FXN: variants seen among roughly 807,000 people sequenced by gnomAD.
FXN encodes frataxin, mitochondrial.
A neutral mutation model predicts 22.4 loss-of-function variants in FXN; 14 were observed. The observed-to-expected ratio is 0.62, with a 90% confidence interval of 0.41 to 0.98. The LOEUF is 0.98. FXN is among the 50% of genes least tolerant of loss of function. The pLI is 0.00. For synonymous variants in FXN, 120 were observed against 114.1 expected, an observed-to-expected ratio of 1.05 and a Z score of -0.33; for missense variants, 267 against 268.4, an observed-to-expected ratio of 0.99 and a Z score of 0.04.
chr9:69,036,754 T>TA (rs1401344866), intron 1 of FXN, among the ~76,000 whole-genome samples: 1 of 152,144 alleles, frequency 6.6e-6, no homozygotes, highest in African/African-American at 2.4e-5. Context: ...TACAAAGAAA[T>TA]ATCTGACCCA....
At chr9:69,065,358 T>A (rs1319735579) in intron 4 of FXN, among the ~76,000 whole-genome samples, 2 of 152,098 alleles carry the variant, frequency 1.3e-5, no homozygotes. Context: ...CTGGGCAATG[T>A]CACAAAGCCC....
In FXN at chr9:69,046,366, T is replaced by C. The variant is rs759250467; in HGVS notation, c.166-19T>C. ...ATTCACTGAAAAATAGTAACGTACT[T>C]CTTAACTTTGGCTTTCAGAGTTCGA... On this transcript the variant is annotated intron_variant, in intron 1 of 4. Coordinates refer to ENST00000484259, the MANE Select transcript of FXN (RefSeq NM_000144.5). 30 of 1,589,000 alleles carry C rather than the reference T, an allele frequency of 1.9e-5. No homozygotes were observed. In the East Asian group the frequency reaches 6.7e-4, roughly 36 times the overall value.
chr9:69,072,495 T>G, intron 4 of FXN, 117 bp from the exon 5 acceptor site: 1 of 1,584,428 alleles, frequency 6.3e-7, no homozygotes, highest in Non-Finnish European at 8.6e-7. Context: ...TAGCTCATTT[T>G]GTGTTATTTT....
rs1363205130 is a variant in FXN, at chr9:69,074,482, C to T, written c.*1720C>T. 3.1e-6 allele frequency: 3 copies of T among 977,926 alleles called. No individual in the cohort carries two copies. The highest frequency in any genetic ancestry group is 4.7e-5 in the South Asian group (1 of 21,068). 60.6% of individuals were successfully genotyped at this position (977,926 alleles called of 1,614,324 possible). A position where few individuals can be genotyped will look rare whatever the true frequency, so the allele number is the denominator to read the frequency against. On this transcript the variant is annotated 3_prime_UTR_variant, in exon 5 of 5. Transcript: ENST00000484259. ...CCAGGCGGAGGAGGTTACAGTGAGTCGAGATCGTACCTGAGCGACAGAGCG... is the reference window on the plus strand; with the variant it reads ...CCAGGCGGAGGAGGTTACAGTGAGTTGAGATCGTACCTGAGCGACAGAGCG...
intron 2 of FXN, among the ~76,000 whole-genome samples, chr9:69,052,043 T>C (rs925067648): frequency 6.6e-6 from 1 of 152,070 alleles, no homozygotes; most frequent in Non-Finnish European, 1.5e-5. Flanking sequence ...AGGCGAGGTT[T>C]CACCATGTCA....
At position 69,040,304 on chromosome 9, in the gene FXN, C is replaced by T. The variant is rs561156127; in HGVS notation, c.165+4357C>T. Among the ~76,000 whole-genome samples, 84 of 152,342 alleles carry T rather than the reference C, an allele frequency of 5.5e-4. 1 individual carries two copies. The South Asian group carries it at 0.017, about 30-fold the overall frequency. On this transcript the variant is annotated intron_variant, in intron 1 of 4. Transcript: ENST00000484259. ...GCCTAACAAGCAGGTTATACCCTCA[C>T]TCACTTTCAAATCATTTTTATTGTC... is the stretch of plus-strand genomic sequence containing the variant.
chr9:69,045,269 G>A (rs1196363213), intron 1 of FXN, among the ~76,000 whole-genome samples: 5 of 149,728 alleles, frequency 3.3e-5, no homozygotes, highest in African/African-American at 5.0e-5. Flanking sequence ...TGCACTAAAA[G>A]AAGGTAAAAA....
intron 1 of FXN, among the ~76,000 whole-genome samples, chr9:69,037,284 A>AAGAAGAAG (rs71353102): frequency 4.2e-4 from 33 of 78,052 alleles, no homozygotes; most frequent in African/African-American, 1.1e-3. Context: ...AAAAAAAAAA[A>AAGAAGAAG]AAGAAGAAGA....
At chr9:69,046,965 G>T (rs1294934920) in intron 2 of FXN, among the ~76,000 whole-genome samples, 1 of 152,144 alleles carries the variant, frequency 6.6e-6, no homozygotes, top group Non-Finnish European at 1.5e-5. Context: ...GGCCAGAAAG[G>T]GCTAGAAGCA....
Position 69,073,185 on chromosome 9 carries a change from A to C in FXN, c.*423A>C. 3 of 1,077,514 alleles carry C rather than the reference A, an allele frequency of 2.8e-6. No individual in the cohort carries two copies. Among genetic ancestry groups the C allele is most frequent in the Non-Finnish European group, 3.4e-6 (3 of 886,876 alleles). The allele number at this position is 1,077,514 out of a possible 1,614,324, so 66.7% of individuals were successfully genotyped here. On this transcript the variant is annotated 3_prime_UTR_variant, in exon 5 of 5. Coordinates refer to ENST00000484259, the MANE Select transcript of FXN (RefSeq NM_000144.5). ...AGCTGGTCAACCTGCTCACTGTTCT[A>C]TCTCCAAATGAGACACATTAAAGGG...
chr9:69,047,351 A>G (rs1411968980), intron 2 of FXN, among the ~76,000 whole-genome samples: 1 of 99,712 alleles, frequency 1.0e-5, no homozygotes, highest in African/African-American at 4.1e-5. Flanking sequence ...ACACACACAG[A>G]CACACACACA....
intron 4 of FXN, among the ~76,000 whole-genome samples, chr9:69,065,540 C>CCAA (rs1554761960): frequency 5.7e-5 from 8 of 140,752 alleles, no homozygotes; most frequent in South Asian, 2.3e-4. Flanking sequence ...GACCCTGTCC[C>CCAA]AAAAAAAAAA....
At chr9:69,054,708 C>T (rs1368156189) in intron 3 of FXN, among the ~76,000 whole-genome samples, 2 of 152,114 alleles carry the variant, frequency 1.3e-5, no homozygotes, top group South Asian at 4.1e-4. Flanking sequence ...TGTTTCACCA[C>T]GTTGGCCAGG....
rs1201433647 is a variant in FXN, at chr9:69,072,808, C to T, written c.*46C>T. On this transcript the variant is annotated 3_prime_UTR_variant, in exon 5 of 5. Coordinates refer to ENST00000484259, the MANE Select transcript of FXN (RefSeq NM_000144.5). ...ACATTAAAAGCTATCAGGCCAAGAC[C>T]CCAGCTTCATTATGCAGCTGAGGTC... 3 of 1,613,092 alleles carry T rather than the reference C, an allele frequency of 1.9e-6. No individual in the cohort carries two copies. The highest frequency in any genetic ancestry group is 1.7e-5 in the Admixed American group (1 of 59,940).
chr9:69,037,901 C>T (rs754145222), intron 1 of FXN, among the ~76,000 whole-genome samples: 54 of 152,344 alleles, frequency 3.5e-4, no homozygotes, highest in Admixed American at 5.9e-4. Context: ...ATCCGCCCAC[C>T]TCGCCCTCCC....
intron 3 of FXN, among the ~76,000 whole-genome samples, chr9:69,055,923 AC>A (rs1309076357): frequency 6.6e-6 from 1 of 152,132 alleles, no homozygotes; most frequent in African/African-American, 2.4e-5. Context: ...TCGCTCTGTC[AC>A]CCAGGCTGGA....
rs770833066 is a variant in FXN, at chr9:69,079,024, GTTATAA to G, written c.*6268_*6273del. 2.3e-5 allele frequency: 20 copies of G among 874,878 alleles called. No homozygotes were observed. Among genetic ancestry groups the G allele is most frequent in the Admixed American group, 1.2e-4 (2 of 16,076 alleles). The allele number at this position is 874,878 out of a possible 1,614,324, so 54.2% of individuals were successfully genotyped here. A position where few individuals can be genotyped will look rare whatever the true frequency, so the allele number is the denominator to read the frequency against. Reference sequence around the variant, plus strand: ...AGCTCTATAAATGTCAAATAAATGTGTTATAATTATATGTTTAAGATAGTTGTTCAA... The same window carrying G: ...AGCTCTATAAATGTCAAATAAATGTGTTATATGTTTAAGATAGTTGTTCAA... On this transcript the variant is annotated 3_prime_UTR_variant, in exon 5 of 5. Transcript: ENST00000484259.
intron 3 of FXN, among the ~76,000 whole-genome samples, chr9:69,063,972 T>C (rs1179065340): frequency 2.6e-5 from 4 of 152,152 alleles, no homozygotes; most frequent in Admixed American, 1.3e-4. Flanking sequence ...GCATGAGCCA[T>C]GCCTGGCCTA....
At position 69,074,871 on chromosome 9, in the gene FXN, AAAAT is replaced by A. The variant is rs925548701; in HGVS notation, c.*2116_*2119del. 121 of 985,326 alleles carry A rather than the reference AAAAT, an allele frequency of 1.2e-4. No individual in the cohort carries two copies. The highest frequency in any genetic ancestry group is 1.4e-4 in the Non-Finnish European group (118 of 829,904). The allele number at this position is 985,326 out of a possible 1,614,324, so 61.0% of individuals were successfully genotyped here. On this transcript the variant is annotated 3_prime_UTR_variant, in exon 5 of 5. Coordinates refer to ENST00000484259, the MANE Select transcript of FXN (RefSeq NM_000144.5). The stretch of plus-strand genomic sequence containing the variant: ...AGTGCAGTAGGCCAGTGCCAGTGAG[AAAAT>A]AAATAACATCATACATGTTTGTATG...
Sources: allele counts gnomAD v4.1 joint callset (sites outside exome capture counted in the v4.1 genomes callset), GRCh38; gene constraint gnomAD v4.1.1; transcripts MANE v1.5; gene names NCBI Gene and HGNC (gene_info 2026-07-23, HGNC 2026-07-21).